Variants in NCOA1 observed in about 807,000 individuals in gnomAD.
NCOA1 encodes nuclear receptor coactivator 1.
Under a neutral mutation model 150.9 loss-of-function variants are expected in NCOA1, and 35 were observed. That is an observed-to-expected ratio of 0.23 (90% confidence interval 0.18 to 0.31). The LOEUF (loss-of-function observed/expected upper bound fraction) is 0.31. Ranked by LOEUF, NCOA1 falls within the 10% of genes least tolerant of loss-of-function variation. The pLI is 1.00. For synonymous variants in NCOA1, 590 were observed against 630.0 expected, an observed-to-expected ratio of 0.94 and a Z score of 0.95; for missense variants, 1,491 against 1,749.3, an observed-to-expected ratio of 0.85 and a Z score of 2.63.
intron 20 of NCOA1, among the ~76,000 whole-genome samples, chr2:24,757,625 C>T (rs1664566504): frequency 6.6e-6 from 1 of 152,040 alleles, no homozygotes; most frequent in Non-Finnish European, 1.5e-5. Context: ...ATATGCCAGA[C>T]ACTTTGCTCA....
intron 3 of NCOA1, among the ~76,000 whole-genome samples, chr2:24,636,203 C>G (rs960104110): frequency 9.2e-5 from 14 of 152,138 alleles, no homozygotes; most frequent in African/African-American, 3.4e-4. Flanking sequence ...CTAACATCTT[C>G]ACACTATTCA....
chr2:24,537,761 A>G (rs1174796395), intron 1 of NCOA1, among the ~76,000 whole-genome samples: 9 of 152,172 alleles, frequency 5.9e-5, no homozygotes. Context: ...TATGTGAGGT[A>G]ATAAGTTATT....
At chr2:24,713,277 T>A (rs1006637643) in intron 14 of NCOA1, among the ~76,000 whole-genome samples, 12 of 151,166 alleles carry the variant, frequency 7.9e-5, no homozygotes, top group Admixed American at 1.3e-4. Flanking sequence ...AAATTTAATT[T>A]AAAAAAATAA....
chr2:24,536,531 C>T (rs144310599), intron 1 of NCOA1, among the ~76,000 whole-genome samples: 3 of 152,248 alleles, frequency 2.0e-5, no homozygotes, highest in East Asian at 1.9e-4. Context: ...GAAGAAGAGT[C>T]GCTCTGGTTT....
intron 2 of NCOA1, among the ~76,000 whole-genome samples, chr2:24,570,281 G>T (rs1666693079): frequency 1.3e-5 from 2 of 152,132 alleles, no homozygotes; most frequent in African/African-American, 4.8e-5. Flanking sequence ...CCAGATGTGG[G>T]TGTTTGAACA....
chr2:24,747,370 G>T (rs1663985283), intron 19 of NCOA1, among the ~76,000 whole-genome samples: 1 of 119,196 alleles, frequency 8.4e-6, no homozygotes, highest in African/African-American at 3.3e-5. Flanking sequence ...ATAGGGTCTT[G>T]CTCTGTTGCC....
rs946489381 is a variant in NCOA1 at position 24,666,046 on chromosome 2, C to T, written c.256+131C>T. 6.5e-5 allele frequency: 33 copies of T among 506,422 alleles called. No individual in the cohort carries two copies. In the Middle Eastern group the frequency reaches 3.8e-3, roughly 58 times the overall value. 31.4% of individuals were successfully genotyped at this position (506,422 alleles called of 1,614,324 possible). On this transcript the variant is annotated intron_variant, in intron 6 of 22. Transcript: ENST00000348332. The stretch of plus-strand genomic sequence containing the variant: ...TTATTTTTTGAGATGAAGTCCCGCT[C>T]TGTCGCCCAGGCTGGAGTGCAGTGG...
At chr2:24,556,813 A>G (rs1052861329) in intron 1 of NCOA1, among the ~76,000 whole-genome samples, 4 of 152,190 alleles carry the variant, frequency 2.6e-5, no homozygotes, top group African/African-American at 9.7e-5. Context: ...TGTGGAAGAC[A>G]GTGTGGCGAT....
At chr2:24,570,220 C>T (rs1335382741) in intron 2 of NCOA1, among the ~76,000 whole-genome samples, 1 of 151,900 alleles carries the variant, frequency 6.6e-6, no homozygotes, top group African/African-American at 2.4e-5. Flanking sequence ...AAATAAAGAA[C>T]AAGAAAGAAA....
chr2:24,761,279 T>G (rs1468801566), intron 21 of NCOA1, among the ~76,000 whole-genome samples: 1 of 152,244 alleles, frequency 6.6e-6, no homozygotes, highest in Non-Finnish European at 1.5e-5. Flanking sequence ...TCTCTAGGTT[T>G]GGGGGCTTTC....
intron 1 of NCOA1, among the ~76,000 whole-genome samples, chr2:24,515,269 G>C (rs531545223): frequency 2.0e-5 from 3 of 152,052 alleles, no homozygotes; most frequent in Non-Finnish European, 4.4e-5. Flanking sequence ...GTCTGGGTCT[G>C]TTACCCAGGC....
intron 18 of NCOA1, among the ~76,000 whole-genome samples, chr2:24,740,452 A>G (rs1222950583): frequency 6.6e-6 from 1 of 152,220 alleles, no homozygotes; most frequent in Non-Finnish European, 1.5e-5. Context: ...AATACTGTAG[A>G]CAATTGTTAT....
In NCOA1 at chr2:24,691,767, A is replaced by G. The variant is rs1360663972; in HGVS notation, c.712+107A>G. 10 of 1,138,112 alleles carry G rather than the reference A, an allele frequency of 8.8e-6. No individual in the cohort carries two copies. In the South Asian group the frequency reaches 9.7e-5, roughly 11 times the overall value. The allele number at this position is 1,138,112 out of a possible 1,614,324, so 70.5% of individuals were successfully genotyped here. A position where few individuals can be genotyped will look rare whatever the true frequency, so the allele number is the denominator to read the frequency against. ...TTTTCAGATAGTATTTTTGGTTACT[A>G]TAATATGTATCATAGTGGCTATTCC... On this transcript the variant is annotated intron_variant, in intron 9 of 22. Transcript: ENST00000348332.
At chr2:24,492,452 C>T (rs1340510913) in intron 1 of NCOA1, among the ~76,000 whole-genome samples, 3 of 152,144 alleles carry the variant, frequency 2.0e-5, no homozygotes, top group Admixed American at 1.3e-4. Context: ...AAAGCAGTTA[C>T]CCCCATGGGT....
intron 3 of NCOA1, among the ~76,000 whole-genome samples, chr2:24,605,588 T>G (rs940292226): frequency 1.3e-5 from 2 of 152,222 alleles, no homozygotes; most frequent in Non-Finnish European, 2.9e-5. Flanking sequence ...TTCCTAGAAG[T>G]AGAATTGCTG....
chr2:24,735,549 T>C (rs969825795), intron 17 of NCOA1, among the ~76,000 whole-genome samples: 2 of 152,046 alleles, frequency 1.3e-5, no homozygotes, highest in South Asian at 2.1e-4. Flanking sequence ...TAAATAGATA[T>C]CATTTATTGG....
chr2:24,590,778 C>G (rs982940065), intron 3 of NCOA1, among the ~76,000 whole-genome samples: 1 of 152,180 alleles, frequency 6.6e-6, no homozygotes, highest in Non-Finnish European at 1.5e-5. Flanking sequence ...TAGTGCCCAA[C>G]AAATTCCTGC....
intron 22 of NCOA1, chr2:24,767,955 A>T: frequency 1.2e-6 from 1 of 855,400 alleles, no homozygotes; most frequent in Non-Finnish European, 1.9e-6. Flanking sequence ...TAGCAATGAT[A>T]CTCACTTTCA....
At chr2:24,744,813 A>G (rs752773755) in intron 19 of NCOA1, among the ~76,000 whole-genome samples, 30 of 152,228 alleles carry the variant, frequency 2.0e-4, no homozygotes, top group South Asian at 6.2e-4. Flanking sequence ...TGTATTATCT[A>G]TGGCTGGTTT....
Sources: allele counts gnomAD v4.1 joint callset (sites outside exome capture counted in the v4.1 genomes callset), GRCh38; gene constraint gnomAD v4.1.1; transcripts MANE v1.5; gene names NCBI Gene and HGNC (gene_info 2026-07-23, HGNC 2026-07-21).